SLC12A1: variants seen among roughly 807,000 people sequenced by gnomAD.
SLC12A1 encodes solute carrier family 12 member 1.
A neutral mutation model predicts 130.4 loss-of-function variants in SLC12A1; 89 were observed. The observed-to-expected ratio is 0.68, with a 90% confidence interval of 0.58 to 0.81. The LOEUF is 0.81. Ranked by LOEUF, SLC12A1 falls within the 40% of genes least tolerant of loss-of-function variation. The pLI is 0.00. For synonymous variants in SLC12A1, 499 were observed against 460.0 expected, an observed-to-expected ratio of 1.08 and a Z score of -1.09; for missense variants, 1,310 against 1,336.4, an observed-to-expected ratio of 0.98 and a Z score of 0.31.
intron 17 of SLC12A1, among the ~76,000 whole-genome samples, chr15:48,263,211 T>A (rs1367575096): frequency 6.6e-6 from 1 of 152,204 alleles, no homozygotes; most frequent in East Asian, 1.9e-4. Flanking sequence ...GATATACATT[T>A]AAGGATCAAA....
intron 21 of SLC12A1, among the ~76,000 whole-genome samples, chr15:48,286,181 A>G (rs1340660201): frequency 6.6e-6 from 1 of 152,100 alleles, no homozygotes; most frequent in Non-Finnish European, 1.5e-5. Flanking sequence ...TTGCTTTCCT[A>G]CTATAGCCCA....
At chr15:48,256,827 C>A (rs1297490977) in intron 16 of SLC12A1, among the ~76,000 whole-genome samples, 1 of 144,162 alleles carries the variant, frequency 6.9e-6, no homozygotes, top group Admixed American at 6.9e-5. Flanking sequence ...CCCTGGCCCC[C>A]CCCCCCAAAT....
intron 17 of SLC12A1, among the ~76,000 whole-genome samples, chr15:48,262,194 T>C (rs1403046838): frequency 6.6e-6 from 1 of 152,182 alleles, no homozygotes. Flanking sequence ...TTGATCATGA[T>C]GTAACAGTGA....
chr15:48,226,609 C>A, intron 5 of SLC12A1, 38 bp downstream of exon 5: 1 of 1,294,244 alleles, frequency 7.7e-7, no homozygotes, highest in Non-Finnish European at 1.1e-6. Flanking sequence ...TCATCACTTG[C>A]TACGGGTAGG....
At chr15:48,258,439 C>A (rs2041734320) in intron 16 of SLC12A1, among the ~76,000 whole-genome samples, 2 of 151,690 alleles carry the variant, frequency 1.3e-5, no homozygotes, top group African/African-American at 4.8e-5. Flanking sequence ...TCTGAGACCA[C>A]CTCAGCCTGA....
At chr15:48,273,361 T>C (rs1448830419) in intron 19 of SLC12A1, among the ~76,000 whole-genome samples, 1 of 152,190 alleles carries the variant, frequency 6.6e-6, no homozygotes, top group Non-Finnish European at 1.5e-5. Flanking sequence ...ATTTCACTTT[T>C]AAGTACTCTT....
intron 15 of SLC12A1, among the ~76,000 whole-genome samples, chr15:48,252,958 T>C (rs1351733169): frequency 6.6e-6 from 1 of 152,146 alleles, no homozygotes; most frequent in African/African-American, 2.4e-5. Flanking sequence ...TCTGATGTTG[T>C]GAGCAATAGG....
chr15:48,207,681 C>T lies in SLC12A1; in HGVS notation c.-39C>T. On this transcript the variant is annotated 5_prime_UTR_variant, in exon 2 of 27. Transcript: ENST00000380993. The stretch of plus-strand genomic sequence containing the variant: ...AAATATATAGATTTTTTAAAACAAC[C>T]ACAAAGTAGATAGCTCAGTAAAAAA... 1.4e-6 allele frequency: 2 copies of T among 1,478,318 alleles called. No individual in the cohort carries two copies. Among genetic ancestry groups the T allele is most frequent in the South Asian group, 1.5e-5 (1 of 67,622 alleles). The allele number at this position is 1,478,318 out of a possible 1,614,324, so 91.6% of individuals were successfully genotyped here.
At chr15:48,289,381 G>T (rs2042093610) in intron 23 of SLC12A1, among the ~76,000 whole-genome samples, 2 of 105,308 alleles carry the variant, frequency 1.9e-5, no homozygotes, top group South Asian at 7.1e-4. Flanking sequence ...GATGTATTAT[G>T]CTGTGAATGT....
At chr15:48,277,586 T>C (rs2041966871) in intron 20 of SLC12A1, among the ~76,000 whole-genome samples, 2 of 152,020 alleles carry the variant, frequency 1.3e-5, no homozygotes, top group African/African-American at 4.8e-5. Flanking sequence ...CTGATCAGTG[T>C]ACAACAGTGA....
intron 10 of SLC12A1, among the ~76,000 whole-genome samples, chr15:48,243,816 G>A (rs2041546202): frequency 6.6e-6 from 1 of 152,188 alleles, no homozygotes; most frequent in African/African-American, 2.4e-5. Context: ...TCCACCCTGG[G>A]TAGAGTTTGA....
At chr15:48,289,431 T>TA (rs60463295) in intron 23 of SLC12A1, among the ~76,000 whole-genome samples, 1,780 of 122,144 alleles carry the variant, frequency 0.015, 68 homozygotes, top group East Asian at 0.061. Context: ...ATATATATAA[T>TA]GTATAACTAT....
chr15:48,272,372 A>G (rs2041907064), intron 19 of SLC12A1, among the ~76,000 whole-genome samples: 1 of 152,188 alleles, frequency 6.6e-6, no homozygotes, highest in Admixed American at 6.5e-5. Flanking sequence ...TTTTCTTTGA[A>G]TAAAAGATTT....
intron 11 of SLC12A1, among the ~76,000 whole-genome samples, chr15:48,246,422 G>A (rs2041580843): frequency 6.6e-6 from 1 of 151,974 alleles, no homozygotes; most frequent in African/African-American, 2.4e-5. Context: ...ATATATTGCG[G>A]GTGAGCATTT....
intron 15 of SLC12A1, among the ~76,000 whole-genome samples, chr15:48,254,633 C>T (rs1041096152): frequency 2.1e-5 from 2 of 94,878 alleles, no homozygotes; most frequent in Non-Finnish European, 5.2e-5. Flanking sequence ...AAAAAAAACC[C>T]AAAAAAGACC....
At chr15:48,288,218 T>G in intron 22 of SLC12A1, 44 bp downstream of exon 22, 1 of 1,575,648 alleles carries the variant, frequency 6.3e-7, no homozygotes, top group East Asian at 2.3e-5. Context: ...AATTTCAATT[T>G]TGATAAACTT....
chr15:48,207,531 C>T lies in SLC12A1; in HGVS notation c.-186-3C>T. The T allele has an allele frequency of 2.3e-6, 1 of 436,702 alleles. No individual in the cohort carries two copies. Among genetic ancestry groups the T allele is most frequent in the East Asian group, 3.5e-5 (1 of 28,634 alleles). 27.1% of individuals were successfully genotyped at this position (436,702 alleles called of 1,614,324 possible). A position where few individuals can be genotyped will look rare whatever the true frequency, so the allele number is the denominator to read the frequency against. On this transcript the variant is annotated splice_polypyrimidine_tract_variant and splice_region_variant and intron_variant, in intron 1 of 26. Transcript: ENST00000380993. ...CAAGTTTAATTTTCTTTTTCAATGA[C>T]AGCTTTGAAGAACATCCTGAAGATT...
intron 15 of SLC12A1, 110 bp downstream of exon 15, chr15:48,251,880 G>A (rs932809092): frequency 5.6e-6 from 5 of 899,832 alleles, no homozygotes; most frequent in Admixed American, 5.0e-5. Context: ...TATGTAAGGT[G>A]GATATTAATA....
At chr15:48,273,090 G>A (rs1194985581) in intron 19 of SLC12A1, among the ~76,000 whole-genome samples, 2 of 132,098 alleles carry the variant, frequency 1.5e-5, no homozygotes, top group Non-Finnish European at 3.1e-5. Flanking sequence ...GGGTGGCAGA[G>A]TCAGACTGTC....
Sources: allele counts gnomAD v4.1 joint callset (sites outside exome capture counted in the v4.1 genomes callset), GRCh38; gene constraint gnomAD v4.1.1; transcripts MANE v1.5; gene names NCBI Gene and HGNC (gene_info 2026-07-23, HGNC 2026-07-21).